Variants in NDST1 observed in about 807,000 individuals in gnomAD.
NDST1 encodes the protein N-deacetylase and N-sulfotransferase 1.
A neutral mutation model predicts 92.8 loss-of-function variants in NDST1; 35 were observed. That is an observed-to-expected ratio of 0.38 (90% CI 0.29 to 0.50). NDST1 has a LOEUF of 0.50. Ranked by LOEUF, NDST1 falls within the 20% of genes least tolerant of loss-of-function variation. The pLI is 0.94. For synonymous variants in NDST1, 493 were observed against 500.3 expected (o/e 0.99, Z 0.19); for missense variants, 822 against 1,182.7 (o/e 0.69, Z 4.47).
intron 2 of NDST1, among the ~76,000 whole-genome samples, chr5:150,523,254 A>G (rs1754321552): frequency 6.6e-6 from 1 of 152,222 alleles, no homozygotes; most frequent in Non-Finnish European, 1.5e-5. Context: ...TGGCTTTACA[A>G]TGACATCAAG....
At chr5:150,501,265 C>T (rs1261689816) in intron 1 of NDST1, among the ~76,000 whole-genome samples, 1 of 152,200 alleles carries the variant, frequency 6.6e-6, no homozygotes, top group African/African-American at 2.4e-5. Context: ...TCCTCTGCCT[C>T]CTCTTGCTGG....
In NDST1 at chr5:150,551,608, G is replaced by A; in HGVS notation, c.2427-145G>A. ...CTAGGACACATTTGATCCCACAGAT[G>A]GCACATAGCTTCTGACAGTCCATGT... On this transcript the variant is annotated intron_variant, in intron 13 of 14. Transcript: ENST00000261797. The A allele has an allele frequency of 5.0e-6, 5 of 1,008,840 alleles. No homozygotes were observed. The Admixed American group carries it at 8.4e-5, about 17-fold the overall frequency. The allele number at this position is 1,008,840 out of a possible 1,614,324, so 62.5% of individuals were successfully genotyped here. A position where few individuals can be genotyped will look rare whatever the true frequency, so the allele number is the denominator to read the frequency against.
At chr5:150,511,576 C>G (rs912175178) in intron 1 of NDST1, among the ~76,000 whole-genome samples, 3 of 152,160 alleles carry the variant, frequency 2.0e-5, no homozygotes, top group African/African-American at 7.2e-5. Flanking sequence ...CTCTGGGTCT[C>G]AGTGTCCCCA....
Position 150,521,132 on chromosome 5 carries a change from G to A in NDST1, c.-123G>A, listed in dbSNP as rs1270726390. On this transcript the variant is annotated 5_prime_UTR_variant, in exon 2 of 15. Transcript: ENST00000261797. The surrounding 1 kb of genome is among the most constrained non-coding windows in gnomAD (Gnocchi z 5.9). ...TCCACTCCCAGTGCCCCACAAGGGC[G>A]TCGCTTCCTAAGTCTCTGTGAATTT... The A allele has an allele frequency of 1.0e-5, 9 of 882,812 alleles. No individual in the cohort carries two copies. The Admixed American group carries it at 1.4e-4, about 13-fold the overall frequency. 54.7% of individuals were successfully genotyped at this position (882,812 alleles called of 1,614,324 possible).
rs1561593599 is a variant in NDST1 at position 150,520,884 on chromosome 5, C to G, written c.-371C>G. Reference sequence around the variant, plus strand: ...TCTCCACAGCCTTAGCCCCGTGGGCCCCACGGAGTGAGCGGCATGCAGCAC... The same window carrying G: ...TCTCCACAGCCTTAGCCCCGTGGGCGCCACGGAGTGAGCGGCATGCAGCAC... On this transcript the variant is annotated 5_prime_UTR_variant, in exon 2 of 15. Transcript: ENST00000261797. 1 of 479,966 alleles carries G rather than the reference C, an allele frequency of 2.1e-6. No individual in the cohort carries two copies. The highest frequency in any genetic ancestry group is 5.0e-5 in the South Asian group (1 of 20,006). 29.7% of individuals were successfully genotyped at this position (479,966 alleles called of 1,614,324 possible). A position where few individuals can be genotyped will look rare whatever the true frequency, so the allele number is the denominator to read the frequency against.
chr5:150,540,148 C>T lies in NDST1; in HGVS notation c.1633C>T (p.His545Tyr). 6.2e-7 allele frequency: 1 copy of T among 1,614,248 alleles called. No individual in the cohort carries two copies. Among genetic ancestry groups the T allele is most frequent in the Non-Finnish European group, 8.5e-7 (1 of 1,180,046 alleles). ...CCGCCTGGGCCTGTACACCTTCAAG[C>T]ACCTGGTGCGCTTCCTGCACTCCTG... ...NDRLGLYTFKHLVRFLHSWTN... is the reference protein window; with the variant it reads ...NDRLGLYTFKYLVRFLHSWTN... The change falls in exon 8 of 15, where the codon CAC (histidine) becomes TAC (tyrosine). Residue 545 changes from histidine to tyrosine, a missense_variant. Coordinates refer to ENST00000261797, the MANE Select transcript of NDST1 (RefSeq NM_001543.5).
chr5:150,501,865 T>C (rs144664744), intron 1 of NDST1, among the ~76,000 whole-genome samples: 2 of 152,116 alleles, frequency 1.3e-5, no homozygotes, highest in African/African-American at 2.4e-5. Flanking sequence ...GACCCAGCCA[T>C]GTCAGGTGGT....
At chr5:150,513,168 C>T (rs1753799988) in intron 1 of NDST1, among the ~76,000 whole-genome samples, 1 of 152,048 alleles carries the variant, frequency 6.6e-6, no homozygotes, top group Admixed American at 6.6e-5. Flanking sequence ...GCACTCCAGC[C>T]TGGGCAACAG....
At chr5:150,547,915 C>T (rs1441205123) in intron 11 of NDST1, among the ~76,000 whole-genome samples, 2 of 152,162 alleles carry the variant, frequency 1.3e-5, no homozygotes, top group Non-Finnish European at 2.9e-5. Flanking sequence ...AACTCCTGAC[C>T]TCAAGTGATC....
Position 150,553,852 on chromosome 5 carries a change from G to A in NDST1, c.*520G>A. The A allele has an allele frequency of 2.3e-6, 1 of 429,248 alleles. No homozygotes were observed. The highest frequency in any genetic ancestry group is 4.1e-6 in the Non-Finnish European group (1 of 242,684). The allele number at this position is 429,248 out of a possible 1,614,324, so 26.6% of individuals were successfully genotyped here. A position where few individuals can be genotyped will look rare whatever the true frequency, so the allele number is the denominator to read the frequency against. On this transcript the variant is annotated 3_prime_UTR_variant, in exon 15 of 15. Coordinates refer to ENST00000261797, the MANE Select transcript of NDST1 (RefSeq NM_001543.5). This position sits in a 1 kb window ranked among gnomAD's most constrained non-coding sequence, Gnocchi z 4.2. Reference sequence around the variant, plus strand: ...CAGTCCTAGGCTGGATGGGAGGGTGGCCCCCTCAAGAGGACTCCCAGCCTC... The same window carrying A: ...CAGTCCTAGGCTGGATGGGAGGGTGACCCCCTCAAGAGGACTCCCAGCCTC...
At chr5:150,544,060 C>T (rs906484592) in intron 10 of NDST1, among the ~76,000 whole-genome samples, 1 of 152,158 alleles carries the variant, frequency 6.6e-6, no homozygotes, top group Non-Finnish European at 1.5e-5. Flanking sequence ...TTACGGCGTG[C>T]GCCACTGCGC....
intron 11 of NDST1, among the ~76,000 whole-genome samples, chr5:150,545,765 T>C (rs116333931): frequency 6.6e-6 from 1 of 152,300 alleles, no homozygotes; most frequent in African/African-American, 2.4e-5. Context: ...TGGTTACGCC[T>C]AGAGGAAGCT....
intron 2 of NDST1, among the ~76,000 whole-genome samples, chr5:150,525,678 AGAG>A (rs1296969686): frequency 6.6e-6 from 1 of 152,186 alleles, no homozygotes; most frequent in Non-Finnish European, 1.5e-5. Flanking sequence ...TTTGGGAATT[AGAG>A]GAGATGAGTG....
intron 11 of NDST1, 22 bp downstream of exon 11, chr5:150,545,508 T>TC: frequency 6.2e-7 from 1 of 1,613,224 alleles, no homozygotes; most frequent in Non-Finnish European, 8.5e-7. Flanking sequence ...TGGGGTGGAG[T>TC]CCCTGTGTCG....
chr5:150,541,550 C>G lies in NDST1; in HGVS notation c.1750-20C>G, dbSNP rs200991399. The stretch of plus-strand genomic sequence containing the variant: ...CTGGGTTCTGGGGCGCCCCACACAT[C>G]CCTTCCACTGTTGTTTTAGGACCCC... On this transcript the variant is annotated intron_variant, in intron 8 of 14. Coordinates refer to ENST00000261797, the MANE Select transcript of NDST1 (RefSeq NM_001543.5). 104 of 1,612,564 alleles carry G rather than the reference C, an allele frequency of 6.4e-5. No individual in the cohort carries two copies. Among genetic ancestry groups the G allele is most frequent in the Non-Finnish European group, 8.5e-5 (100 of 1,178,658 alleles).
intron 6 of NDST1, among the ~76,000 whole-genome samples, chr5:150,537,008 C>T (rs1323015616): frequency 1.3e-5 from 2 of 152,322 alleles, no homozygotes; most frequent in African/African-American, 2.4e-5. Context: ...TCAGGGACCC[C>T]GAACAGAGGG....
intron 7 of NDST1, chr5:150,539,656 A>G (rs1325023833): frequency 2.0e-6 from 2 of 985,354 alleles, no homozygotes; most frequent in Admixed American, 6.1e-5. Context: ...ACAGATACAC[A>G]CACATATATG....
At position 150,527,883 on chromosome 5, in the gene NDST1, G is replaced by A. The variant is rs1299549960; in HGVS notation, c.593G>A (p.Cys198Tyr). 1 of 1,614,050 alleles carries A rather than the reference G, an allele frequency of 6.2e-7. No homozygotes were observed. The highest frequency in any genetic ancestry group is 1.7e-5 in the Admixed American group (1 of 60,014). ...CACTCAAACCTGGGCCTGAAGGACT[G>A]CAGCATCAACCCCAAGTCCCCGCTG... ...FLHSNLGLKD[C>Y]SINPKSPLLY... Residue 198 changes from cysteine to tyrosine, a missense_variant, in exon 3 of 15, where the codon TGC (cysteine) becomes TAC (tyrosine). By Grantham distance (194) the Cys-to-Tyr change is radical (BLOSUM62 -2). Transcript: ENST00000261797.
In NDST1 at chr5:150,541,777, T is replaced by C. The variant is rs187627412; in HGVS notation, c.1846+111T>C. ...ACTCCCGGATAATTTGCTCCCTCTT[T>C]CCCAGGAAGTAGGAATGAAGTTGGG... On this transcript the variant is annotated intron_variant, in intron 9 of 14. Coordinates refer to ENST00000261797, the MANE Select transcript of NDST1 (RefSeq NM_001543.5). The C allele has an allele frequency of 1.4e-5, 14 of 970,372 alleles. No homozygotes were observed. The Admixed American group carries it at 2.0e-4, about 14-fold the overall frequency. 60.1% of individuals were successfully genotyped at this position (970,372 alleles called of 1,614,324 possible). A position where few individuals can be genotyped will look rare whatever the true frequency, so the allele number is the denominator to read the frequency against.
Sources: allele counts gnomAD v4.1 joint callset (sites outside exome capture counted in the v4.1 genomes callset), GRCh38; gene constraint gnomAD v4.1.1; non-coding constraint Gnocchi (gnomAD v3.1); transcripts MANE v1.5; gene names NCBI Gene and HGNC (gene_info 2026-07-23, HGNC 2026-07-21).